Variants in USP34 observed in about 807,000 individuals in gnomAD.
The protein encoded by USP34 is ubiquitin carboxyl-terminal hydrolase 34.
A neutral mutation model predicts 460.3 loss-of-function variants in USP34; 70 were observed. The ratio of observed to expected loss-of-function variants is 0.15; its 90% CI spans 0.13 to 0.19. The LOEUF is 0.19. Among genes scored for constraint, USP34 ranks in the 10% least tolerant of loss-of-function variants. USP34 has a pLI of 1.00. For missense variants in USP34, 3,985 were observed against 4,236.2 expected (o/e 0.94, Z 1.65); for synonymous variants, 1,647 against 1,405.3 (o/e 1.17, Z -3.85).
At chr2:61,290,715 C>T (rs949648851) in intron 33 of USP34, among the ~76,000 whole-genome samples, 1 of 152,084 alleles carries the variant, frequency 6.6e-6, no homozygotes, top group Non-Finnish European at 1.5e-5. Flanking sequence ...TAGAGCGTTA[C>T]ATAAACATTT....
chr2:61,471,073 G>T lies in USP34; in HGVS notation c.-381C>A. The T allele has an allele frequency of 4.7e-6, 1 of 211,736 alleles. No individual in the cohort carries two copies. The highest frequency in any genetic ancestry group is 1.2e-4 in the South Asian group (1 of 8,250). The allele number at this position is 211,736 out of a possible 1,614,324, so 13.1% of individuals were successfully genotyped here. ...CGCCGACGCCGCCGCCATTTTAACAGAGCGCTCGGGCTGCGCTCGGCTCTT... is the reference window on the plus strand; with the variant it reads ...CGCCGACGCCGCCGCCATTTTAACATAGCGCTCGGGCTGCGCTCGGCTCTT... On this transcript the variant is annotated 5_prime_UTR_variant, in exon 1 of 80. The change creates a new upstream start codon in the 5' untranslated region. Coordinates refer to ENST00000398571, the MANE Select transcript of USP34 (RefSeq NM_014709.4).
chr2:61,356,370 G>A (rs1364220370), intron 10 of USP34, among the ~76,000 whole-genome samples: 1 of 152,056 alleles, frequency 6.6e-6, no homozygotes, highest in Non-Finnish European at 1.5e-5. Flanking sequence ...TGTGCCCATA[G>A]TCCCAGCTAC....
At chr2:61,365,250 T>C (rs1156228401) in intron 10 of USP34, among the ~76,000 whole-genome samples, 1 of 109,062 alleles carries the variant, frequency 9.2e-6, no homozygotes, top group Non-Finnish European at 1.9e-5. Context: ...AGACTCCATT[T>C]CAAAATACAC....
intron 21 of USP34, among the ~76,000 whole-genome samples, chr2:61,323,659 G>C (rs1006834359): frequency 2.0e-5 from 3 of 152,152 alleles, no homozygotes; most frequent in Non-Finnish European, 4.4e-5. Context: ...TGAAGTTTTA[G>C]ATTTGATACT....
At position 61,257,358 on chromosome 2, in the gene USP34, T is replaced by C. The variant is rs776917358; in HGVS notation, c.5845-8A>G. The C allele has an allele frequency of 6.4e-7, 1 of 1,559,472 alleles. No individual in the cohort carries two copies. The highest frequency in any genetic ancestry group is 1.3e-5 in the South Asian group (1 of 79,280). On this transcript the variant is annotated splice_region_variant and splice_polypyrimidine_tract_variant and intron_variant, in intron 44 of 79. Transcript: ENST00000398571. ...TGCTTTGCATTCACTCTCCTGCAAA[T>C]AAAAAGGGGAACATTCTAAGTGTCA...
At position 61,398,079 on chromosome 2, in the gene USP34, A is replaced by T. The variant is rs1449299558; in HGVS notation, c.553-2846T>A. 2.0e-5 allele frequency among the ~76,000 whole-genome samples: 3 copies of T among 152,034 alleles called. No individual in the cohort carries two copies. In the East Asian group the frequency reaches 5.9e-4, roughly 30 times the overall value. On this transcript the variant is annotated intron_variant, in intron 3 of 79. Coordinates refer to ENST00000398571, the MANE Select transcript of USP34 (RefSeq NM_014709.4). Reference sequence around the variant, plus strand: ...GAGCGAGACTCCGCCTCCAAAAAAAAAGATTGCTTTTAGGTTGAGTGCAGT... The same window carrying T: ...GAGCGAGACTCCGCCTCCAAAAAAATAGATTGCTTTTAGGTTGAGTGCAGT...
intron 10 of USP34, among the ~76,000 whole-genome samples, chr2:61,366,681 T>C (rs1692451118): frequency 6.6e-6 from 1 of 152,058 alleles, no homozygotes; most frequent in Non-Finnish European, 1.5e-5. Flanking sequence ...AGAGTTCCAT[T>C]TGAGAGACAG....
At chr2:61,286,947 A>G (rs1255747646) in intron 34 of USP34, among the ~76,000 whole-genome samples, 1 of 152,188 alleles carries the variant, frequency 6.6e-6, no homozygotes, top group Non-Finnish European at 1.5e-5. Flanking sequence ...TGAGTGATGG[A>G]AAGGATCACA....
intron 3 of USP34, among the ~76,000 whole-genome samples, chr2:61,400,235 C>A (rs1002761128): frequency 2.6e-5 from 4 of 151,836 alleles, no homozygotes; most frequent in Non-Finnish European, 5.9e-5. Context: ...TCAGCCTCCC[C>A]AGTAGCTGGG....
chr2:61,224,103 C>T (rs769067247), intron 62 of USP34, among the ~76,000 whole-genome samples: 2 of 152,268 alleles, frequency 1.3e-5, no homozygotes, highest in East Asian at 3.9e-4. Context: ...CAATATCCAG[C>T]GTACACATTT....
In USP34 at chr2:61,435,307, CAAAAAAAAAA is replaced by C. The variant is rs59158283; in HGVS notation, c.44-14484_44-14475del. ...TGGGCAACAGAGTGAGACCTTGTTT[CAAAAAAAAAA>C]AAAAAAAAAAAAGAACTCTAAAAGC... On this transcript the variant is annotated intron_variant, in intron 1 of 79. Transcript: ENST00000398571. Among the ~76,000 whole-genome samples the C allele has an allele frequency of 1.3e-3, 55 of 40,956 alleles. 1 individual carries two copies. The highest frequency in any genetic ancestry group is 5.2e-3 in the Admixed American group (16 of 3,098). 26.9% of individuals were successfully genotyped at this position (40,956 alleles called of 152,430 possible).
intron 21 of USP34, among the ~76,000 whole-genome samples, chr2:61,325,011 G>A (rs148863680): frequency 6.6e-6 from 1 of 152,056 alleles, no homozygotes; most frequent in East Asian, 1.9e-4. Context: ...ACCAAATACC[G>A]TACATTCTTG....
intron 78 of USP34, chr2:61,189,961 T>C (rs181295890): frequency 2.9e-4 from 67 of 230,468 alleles, no homozygotes; most frequent in Non-Finnish European, 4.0e-4. Context: ...ATAGGAGCCA[T>C]AGGCAGTAAT....
chr2:61,380,699 T>G (rs984164172), intron 6 of USP34, among the ~76,000 whole-genome samples: 1 of 152,218 alleles, frequency 6.6e-6, no homozygotes, highest in Non-Finnish European at 1.5e-5. Context: ...GGCCTTGCCA[T>G]GTAACTTGCT....
chr2:61,347,643 G>T (rs1185466303), intron 15 of USP34, among the ~76,000 whole-genome samples: 3 of 152,080 alleles, frequency 2.0e-5, no homozygotes, highest in African/African-American at 7.2e-5. Flanking sequence ...CAAAGTGCTG[G>T]GATTATAGGT....
At chr2:61,268,438 T>TTAAAAAA (rs1308242934) in intron 41 of USP34, among the ~76,000 whole-genome samples, 2 of 53,376 alleles carry the variant, frequency 3.7e-5, no homozygotes, top group African/African-American at 7.4e-5. Flanking sequence ...GAGCTGTTGT[T>TTAAAAAA]AAAAAAAAAA....
rs1175532201 is a variant in USP34, at chr2:61,288,748, T to A, written c.4678A>T (p.Thr1560Ser). Residue 1560 changes from threonine to serine, a missense_variant, in exon 34 of 80, where the codon ACC (threonine) becomes TCC (serine). Coordinates refer to ENST00000398571, the MANE Select transcript of USP34 (RefSeq NM_014709.4). ...SGIAESHRKR[T>S]WPGKSRKAAG... is the part of the protein sequence containing the mutation. ...GCCTTCCTTGATTTGCCAGGCCAGG[T>A]TCTTTTCCTATGGCTTTCCGCTATA... 6.2e-7 allele frequency: 1 copy of A among 1,614,118 alleles called. No individual in the cohort carries two copies. Among genetic ancestry groups the A allele is most frequent in the Admixed American group, 1.7e-5 (1 of 60,016 alleles).
chr2:61,196,690 G>A (rs1281267012), intron 75 of USP34, among the ~76,000 whole-genome samples: 1 of 151,952 alleles, frequency 6.6e-6, no homozygotes, highest in East Asian at 1.9e-4. Context: ...TGCTTCCAAT[G>A]CCCAGCTGAT....
At chr2:61,348,942 C>T in intron 13 of USP34, 56 bp from the exon 14 acceptor site, 2 of 1,529,282 alleles carry the variant, frequency 1.3e-6, no homozygotes, top group Admixed American at 2.0e-5. Context: ...ATTGACTTAA[C>T]AGAATGACAT....
Sources: allele counts gnomAD v4.1 joint callset (sites outside exome capture counted in the v4.1 genomes callset), GRCh38; gene constraint gnomAD v4.1.1; transcripts MANE v1.5; gene names NCBI Gene and HGNC (gene_info 2026-07-23, HGNC 2026-07-21).